Variants in ARMC8 observed in about 807,000 individuals in gnomAD.
ARMC8 encodes the protein armadillo repeat containing 8, also known as armadillo repeat-containing protein 8.
In ARMC8, 20 loss-of-function variants were observed where a neutral mutation model predicts 99.3. The ratio of observed to expected loss-of-function variants is 0.20; its 90% CI spans 0.14 to 0.29. The LOEUF (loss-of-function observed/expected upper bound fraction) is 0.29, where lower values mean the gene tolerates loss of function less well. Among genes scored for constraint, ARMC8 ranks in the 10% least tolerant of loss-of-function variants. The pLI is 1.00. For synonymous variants in ARMC8, 263 were observed against 278.3 expected, an observed-to-expected ratio of 0.95 and a Z score of 0.55; for missense variants, 569 against 809.5, an observed-to-expected ratio of 0.70 and a Z score of 3.60.
At chr3:138,193,434 G>T (rs376324366) in intron 1 of ARMC8, among the ~76,000 whole-genome samples, 16 of 151,016 alleles carry the variant, frequency 1.1e-4, no homozygotes, top group African/African-American at 3.7e-4. Context: ...CTAATTTTTT[G>T]TGTGTATTTT....
chr3:138,229,174 ATATATATATGTATATG>A (rs1175032855), intron 6 of ARMC8, 164 bp downstream of exon 6: 32 of 38,442 alleles, frequency 8.3e-4, no homozygotes, highest in African/African-American at 2.0e-3. Flanking sequence ...ATATATATAT[ATATATATATGTATATG>A]TATATGTATA....
rs187260025 is a variant in ARMC8, at chr3:138,195,090, C to A, written c.45+7491C>A. Among the ~76,000 whole-genome samples the A allele has an allele frequency of 1.4e-4, 22 of 152,098 alleles. No homozygotes were observed. The East Asian group carries it at 3.7e-3, about 26-fold the overall frequency. On this transcript the variant is annotated intron_variant, in intron 1 of 21. Transcript: ENST00000469044. The stretch of plus-strand genomic sequence containing the variant: ...AGGAGTTCGAGATCAGCCTGACCAA[C>A]ATGGTGAAACCCCGTCTCTACTAAA...
At chr3:138,270,584 G>A (rs1452614663) in intron 16 of ARMC8, among the ~76,000 whole-genome samples, 1 of 152,124 alleles carries the variant, frequency 6.6e-6, no homozygotes, top group Non-Finnish European at 1.5e-5. Context: ...TAAAAATTAT[G>A]TGTGTTTATA....
At chr3:138,187,252 G>A (rs1265484462), upstream of ARMC8, 3 of 401,028 alleles carry the variant, frequency 7.5e-6, no homozygotes, top group South Asian at 5.9e-5. Flanking sequence ...CACCGCGAGC[G>A]GCAGGTGGGG....
At chr3:138,236,451 A>G (rs535659559) in intron 7 of ARMC8, among the ~76,000 whole-genome samples, 1 of 152,088 alleles carries the variant, frequency 6.6e-6, no homozygotes, top group Non-Finnish European at 1.5e-5. Flanking sequence ...CTTATTTACT[A>G]TAATGATTTG....
At chr3:138,280,528 C>T (rs1350752477) in intron 18 of ARMC8, among the ~76,000 whole-genome samples, 2 of 148,892 alleles carry the variant, frequency 1.3e-5, no homozygotes, top group Non-Finnish European at 3.0e-5. Context: ...GTCTCTCGCT[C>T]TGTCGCCCAG....
intron 12 of ARMC8, among the ~76,000 whole-genome samples, chr3:138,252,126 A>G (rs1220073600): frequency 6.6e-6 from 1 of 152,202 alleles, no homozygotes; most frequent in Non-Finnish European, 1.5e-5. Context: ...GTAAACTACA[A>G]CCTGTGGGTA....
chr3:138,291,696 G>A (rs1227466993), intron 21 of ARMC8, among the ~76,000 whole-genome samples: 1 of 152,204 alleles, frequency 6.6e-6, no homozygotes, highest in Non-Finnish European at 1.5e-5. Context: ...TCTCTCTGAG[G>A]ATGACATGAT....
At chr3:138,245,929 C>G in intron 12 of ARMC8, 1 of 985,360 alleles carries the variant, frequency 1.0e-6, no homozygotes, top group South Asian at 4.7e-5. Context: ...GCTTTCAAGA[C>G]CATCAGAGAG....
chr3:138,231,174 A>G (rs1288200188), intron 6 of ARMC8, among the ~76,000 whole-genome samples: 3 of 152,206 alleles, frequency 2.0e-5, no homozygotes, highest in Non-Finnish European at 2.9e-5. Context: ...CTAAAATACA[A>G]TATTAACAAC....
At chr3:138,232,460 C>A (rs2046102443) in intron 6 of ARMC8, among the ~76,000 whole-genome samples, 1 of 152,102 alleles carries the variant, frequency 6.6e-6, no homozygotes, top group South Asian at 2.1e-4. Context: ...TTTTCCCCAT[C>A]CATTGTAAAT....
intron 12 of ARMC8, chr3:138,246,654 A>T (rs1261203765): frequency 5.1e-6 from 5 of 985,804 alleles, no homozygotes; most frequent in Non-Finnish European, 6.0e-6. Flanking sequence ...GATGGACCAC[A>T]ATGGGAAATA....
chr3:138,209,593 A>G (rs2044580454), intron 1 of ARMC8, among the ~76,000 whole-genome samples: 1 of 152,202 alleles, frequency 6.6e-6, no homozygotes, highest in Non-Finnish European at 1.5e-5. Flanking sequence ...GATCTTTGAC[A>G]TCTTGAACTG....
chr3:138,288,628 C>G (rs1391300576), intron 19 of ARMC8, among the ~76,000 whole-genome samples: 1 of 146,036 alleles, frequency 6.8e-6, no homozygotes, highest in Admixed American at 7.1e-5. Context: ...GAGGACTCTT[C>G]TTCAGACTTT....
Position 138,290,586 on chromosome 3 carries a change from C to T in ARMC8, c.1935C>T (p.Ile645=), listed in dbSNP as rs1204179969. ...ERQDKLRDMG[I]VDILHKLSQS... is the part of the protein sequence containing the mutation. ...AGGATAAATTACGAGACATGGGCAT[C>T]GTAGATATTCTACACAAACTGAGTC... is the stretch of plus-strand genomic sequence containing the variant. Residue 645 remains isoleucine, a synonymous_variant, in exon 21 of 22, where the codon ATC becomes ATT. Transcript: ENST00000469044. 6 of 1,607,410 alleles carry T rather than the reference C, an allele frequency of 3.7e-6. No individual in the cohort carries two copies. The Admixed American group carries it at 5.1e-5, about 14-fold the overall frequency.
chr3:138,289,900 G>A (rs560463588), intron 20 of ARMC8, among the ~76,000 whole-genome samples: 112 of 152,214 alleles, frequency 7.4e-4, no homozygotes, highest in African/African-American at 2.5e-3. Context: ...TCTTCAGTGG[G>A]GAAGACTCCA....
rs3963416 is a variant in ARMC8 at position 138,187,643 on chromosome 3, T to C, written c.45+44T>C. The stretch of plus-strand genomic sequence containing the variant: ...CCGCCCGCCCGCCCTCCAGGAAGCC[T>C]CATCCCGGTCTCCACCATTCCCCCA... On this transcript the variant is annotated intron_variant, in intron 1 of 21. Transcript: ENST00000469044. 18,968 of 1,530,388 alleles carry C rather than the reference T, an allele frequency of 0.012. 1,894 individuals are homozygous for C. The African/African-American group carries it at 0.22, about 18-fold the overall frequency. The allele number at this position is 1,530,388 out of a possible 1,614,324, so 94.8% of individuals were successfully genotyped here.
chr3:138,285,417 T>C (rs1291625820), intron 19 of ARMC8, among the ~76,000 whole-genome samples: 3 of 152,144 alleles, frequency 2.0e-5, no homozygotes, highest in Non-Finnish European at 4.4e-5. Context: ...CCCCAACTTA[T>C]CTTATTCCTC....
intron 5 of ARMC8, among the ~76,000 whole-genome samples, chr3:138,224,118 C>T (rs1042288370): frequency 1.3e-5 from 2 of 152,008 alleles, no homozygotes; most frequent in Admixed American, 6.6e-5. Context: ...GCCACCACAC[C>T]CGGCTAATTT....
Sources: allele counts gnomAD v4.1 joint callset (sites outside exome capture counted in the v4.1 genomes callset), GRCh38; gene constraint gnomAD v4.1.1; transcripts MANE v1.5; gene names NCBI Gene and HGNC (gene_info 2026-07-23, HGNC 2026-07-21).